Variants in CSTA observed in about 807,000 individuals in gnomAD.
CSTA encodes cystatin-A.
CSTA carries 9 observed loss-of-function variants against 9.2 expected under a neutral mutation model. The ratio of observed to expected loss-of-function variants is 0.97; its 90% CI spans 0.59 to 1.70. The LOEUF is 1.70. Ranked by LOEUF, CSTA falls within the 40% of genes most tolerant of loss-of-function variation. The pLI is 0.00. For missense variants in CSTA, 118 were observed against 113.1 expected (o/e 1.04, Z -0.20); for synonymous variants, 36 against 40.6 (o/e 0.89, Z 0.43).
intron 1 of CSTA, among the ~76,000 whole-genome samples, chr3:122,335,586 T>A (rs574067298): frequency 1.6e-4 from 25 of 152,158 alleles, no homozygotes; most frequent in Admixed American, 4.6e-4. Flanking sequence ...AAAAGCTAAA[T>A]GAGTCCTGTG....
chr3:122,337,869 T>C, intron 2 of CSTA: 1 of 538,308 alleles, frequency 1.9e-6, no homozygotes, highest in Non-Finnish European at 3.4e-6. Flanking sequence ...GATTCTTGAT[T>C]TCTGGAAATT....
At chr3:122,326,859 GC>G (rs2075173093) in intron 1 of CSTA, among the ~76,000 whole-genome samples, 1 of 152,180 alleles carries the variant, frequency 6.6e-6, no homozygotes, top group Non-Finnish European at 1.5e-5. Flanking sequence ...CCCAAGTGCT[GC>G]TGCTGCTGCC....
intron 1 of CSTA, among the ~76,000 whole-genome samples, chr3:122,331,705 A>G (rs1323595225): frequency 6.6e-6 from 1 of 152,224 alleles, no homozygotes; most frequent in African/African-American, 2.4e-5. Context: ...CAGGGCTGCC[A>G]GAACATTCTT....
At chr3:122,329,975 G>A (rs1281654716) in intron 1 of CSTA, among the ~76,000 whole-genome samples, 5 of 152,174 alleles carry the variant, frequency 3.3e-5, no homozygotes, top group Non-Finnish European at 7.3e-5. Context: ...AGTGTTAGAA[G>A]GTAGAGGAAG....
intron 1 of CSTA, among the ~76,000 whole-genome samples, chr3:122,327,189 G>A (rs2075175609): frequency 6.6e-6 from 1 of 150,800 alleles, no homozygotes; most frequent in South Asian, 2.1e-4. Context: ...AGTGAGCCAA[G>A]ATAGTGCCTG....
intron 2 of CSTA, chr3:122,338,141 T>G (rs1409855988): frequency 6.4e-6 from 1 of 155,136 alleles, no homozygotes; most frequent in Non-Finnish European, 1.4e-5. Context: ...AATACTATTT[T>G]GTAACTCAAA....
intron 2 of CSTA, chr3:122,338,186 A>T (rs567125181): frequency 6.5e-6 from 1 of 153,604 alleles, no homozygotes; most frequent in African/African-American, 2.4e-5. Context: ...GGCATAGTTT[A>T]AAAGAGTGGA....
intron 1 of CSTA, among the ~76,000 whole-genome samples, chr3:122,333,688 A>AAG (rs1331045831): frequency 3.5e-5 from 5 of 141,886 alleles, no homozygotes; most frequent in African/African-American, 1.2e-4. Flanking sequence ...AGAAGAAAGA[A>AAG]AGAGAGAGAG....
intron 1 of CSTA, among the ~76,000 whole-genome samples, chr3:122,332,482 T>C (rs1213307009): frequency 1.3e-5 from 2 of 152,198 alleles, no homozygotes; most frequent in East Asian, 3.8e-4. Context: ...TATCTTTCTA[T>C]CTATTTTCTA....
In CSTA at chr3:122,341,803, C is replaced by A. The variant is rs2075267398; in HGVS notation, c.*236C>A. 2.0e-6 allele frequency: 1 copy of A among 502,592 alleles called. No homozygotes were observed. The highest frequency in any genetic ancestry group is 3.5e-6 in the Non-Finnish European group (1 of 283,994). The allele number at this position is 502,592 out of a possible 1,614,324, so 31.1% of individuals were successfully genotyped here. On this transcript the variant is annotated 3_prime_UTR_variant, in exon 3 of 3. Transcript: ENST00000264474. ...AATTGGAAATCTTATAAAAACTAGT[C>A]AAGCCTAATGCAACTGGCTAAAGGA...
At chr3:122,339,224 T>C (rs1228912610) in intron 2 of CSTA, among the ~76,000 whole-genome samples, 2 of 152,356 alleles carry the variant, frequency 1.3e-5, no homozygotes, top group East Asian at 3.9e-4. Flanking sequence ...TCCTCCTCTC[T>C]GAGCCTTCAT....
chr3:122,337,862 T>C, intron 2 of CSTA: 2 of 554,080 alleles, frequency 3.6e-6, no homozygotes, highest in Non-Finnish European at 6.6e-6. Flanking sequence ...TTACATTGAT[T>C]CTTGATTTCT....
intron 2 of CSTA, 69 bp from the exon 3 acceptor site, chr3:122,341,370 C>G: frequency 6.5e-7 from 1 of 1,543,504 alleles, no homozygotes; most frequent in South Asian, 1.1e-5. Flanking sequence ...AGACCTGTGG[C>G]TCTCTCACTT....
intron 1 of CSTA, among the ~76,000 whole-genome samples, chr3:122,336,873 T>A (rs139473443): frequency 6.6e-6 from 1 of 152,232 alleles, no homozygotes; most frequent in African/African-American, 2.4e-5. Flanking sequence ...CAAACCTAAA[T>A]TGAGAGACAT....
chr3:122,332,560 G>A (rs1009716195), intron 1 of CSTA, among the ~76,000 whole-genome samples: 1 of 151,950 alleles, frequency 6.6e-6, no homozygotes, highest in Non-Finnish European at 1.5e-5. Flanking sequence ...CTGAGTGTTG[G>A]GTGCCTCATG....
At chr3:122,331,444 G>C (rs2075204382) in intron 1 of CSTA, among the ~76,000 whole-genome samples, 1 of 152,044 alleles carries the variant, frequency 6.6e-6, no homozygotes, top group African/African-American at 2.4e-5. Flanking sequence ...CAGGCCCACT[G>C]AGTCTCTCAT....
intron 1 of CSTA, among the ~76,000 whole-genome samples, chr3:122,332,865 C>G (rs892659775): frequency 6.6e-6 from 1 of 152,168 alleles, no homozygotes; most frequent in Admixed American, 6.5e-5. Context: ...CTCCTAGTGC[C>G]CATCCTGGGG....
At chr3:122,329,744 G>A (rs2075193228) in intron 1 of CSTA, among the ~76,000 whole-genome samples, 1 of 152,132 alleles carries the variant, frequency 6.6e-6, no homozygotes, top group Non-Finnish European at 1.5e-5. Context: ...TGGGAAAATC[G>A]AGATATCTGG....
intron 2 of CSTA, among the ~76,000 whole-genome samples, chr3:122,341,205 TGCTAGGATTACAGGTGGGA>T (rs2075263587): frequency 6.6e-6 from 1 of 152,168 alleles, no homozygotes; most frequent in Non-Finnish European, 1.5e-5. Context: ...CCTCCCAAAG[TGCTAGGATTACAGGTGGGA>T]GCCACGGCAC....
Sources: gnomAD v4.1 joint callset for allele counts (sites outside exome capture counted in the v4.1 genomes callset) on GRCh38, gnomAD v4.1.1 for gene constraint, MANE v1.5 for transcripts, NCBI Gene and HGNC (gene_info 2026-07-23, HGNC 2026-07-21) for gene names.